ARHGAP18: variants seen among roughly 807,000 people sequenced by gnomAD.
The protein encoded by ARHGAP18 is rho GTPase-activating protein 18.
A neutral mutation model predicts 86.2 loss-of-function variants in ARHGAP18; 67 were observed. The ratio of observed to expected loss-of-function variants is 0.78; its 90% CI spans 0.64 to 0.95. The LOEUF (loss-of-function observed/expected upper bound fraction) is 0.95. ARHGAP18 is among the 40% of genes least tolerant of loss of function. The pLI, the probability that ARHGAP18 is intolerant of heterozygous loss-of-function variation, is 0.00. For missense variants in ARHGAP18, 691 were observed against 780.4 expected, an observed-to-expected ratio of 0.89 and a Z score of 1.37; for synonymous variants, 283 against 280.4, an observed-to-expected ratio of 1.01 and a Z score of -0.09.
intron 1 of ARHGAP18, among the ~76,000 whole-genome samples, chr6:129,662,585 C>A (rs910654412): frequency 6.6e-6 from 1 of 152,234 alleles, no homozygotes; most frequent in Non-Finnish European, 1.5e-5. Flanking sequence ...TCGAGTGATA[C>A]TGAATGCCCA....
At chr6:129,661,736 C>T (rs1281107349) in intron 1 of ARHGAP18, 1 of 313,292 alleles carries the variant, frequency 3.2e-6, no homozygotes, top group Non-Finnish European at 4.6e-6. Context: ...AGGTGAGATT[C>T]ATGTGATGTC....
chr6:129,681,372 A>G (rs1290246844), intron 1 of ARHGAP18, among the ~76,000 whole-genome samples: 1 of 152,170 alleles, frequency 6.6e-6, no homozygotes, highest in Non-Finnish European at 1.5e-5. Flanking sequence ...CACCGCGCCC[A>G]GCTAGAAGTA....
chr6:129,583,840 T>C (rs535376040), intron 13 of ARHGAP18, 148 bp downstream of exon 13: 2 of 984,434 alleles, frequency 2.0e-6, no homozygotes, highest in African/African-American at 1.7e-5. Flanking sequence ...TGTTCTCTTC[T>C]GCTGGGAAGA....
intron 9 of ARHGAP18, among the ~76,000 whole-genome samples, chr6:129,607,555 G>A (rs1269406403): frequency 6.6e-6 from 1 of 152,012 alleles, no homozygotes; most frequent in African/African-American, 2.4e-5. Flanking sequence ...TTTAACACTT[G>A]GCAAGAAAAT....
At chr6:129,625,887 T>TTATATA (rs1447197413) in intron 5 of ARHGAP18, among the ~76,000 whole-genome samples, 1 of 79,256 alleles carries the variant, frequency 1.3e-5, no homozygotes, top group African/African-American at 6.1e-5. Context: ...TATTTATATA[T>TTATATA]TATATATTAT....
At chr6:129,666,419 C>G (rs1211872521) in intron 1 of ARHGAP18, among the ~76,000 whole-genome samples, 1 of 152,228 alleles carries the variant, frequency 6.6e-6, no homozygotes, top group Non-Finnish European at 1.5e-5. Context: ...GGATACCAAG[C>G]CCTGTGGATG....
chr6:129,633,342 G>A (rs1169335870), intron 4 of ARHGAP18, among the ~76,000 whole-genome samples: 1 of 150,990 alleles, frequency 6.6e-6, no homozygotes, highest in Non-Finnish European at 1.5e-5. Flanking sequence ...GGCTGAGGCA[G>A]GAGGATCACT....
At chr6:129,675,338 C>T (rs192495715) in intron 1 of ARHGAP18, among the ~76,000 whole-genome samples, 3 of 149,748 alleles carry the variant, frequency 2.0e-5, no homozygotes, top group Non-Finnish European at 3.0e-5. Context: ...GAACCGAGAC[C>T]GCGCCACTGC....
chr6:129,624,348 G>A lies in ARHGAP18; in HGVS notation c.786+5005C>T, dbSNP rs1209936992. ...GTTCGAGACCAGCCTGGCCAACGTG[G>A]TGAAGCCCCGTCTCTACTAAAAATA... is the stretch of plus-strand genomic sequence containing the variant. On this transcript the variant is annotated intron_variant, in intron 5 of 14. Coordinates refer to ENST00000368149, the MANE Select transcript of ARHGAP18 (RefSeq NM_033515.3). Among the ~76,000 whole-genome samples the A allele has an allele frequency of 2.6e-5, 4 of 151,498 alleles. No homozygotes were observed. In the East Asian group the frequency reaches 5.9e-4, roughly 22 times the overall value.
Position 129,641,893 on chromosome 6 carries a change from A to G in ARHGAP18, c.239T>C (p.Ile80Thr). The part of the protein sequence containing the change: ...LDELSMEDYW[I>T]ELENIKKSSE... ...AGATTTCTTGATGTTTTCTAGTTCT[A>G]TCCAATAGTCTTCCATAGATAGTTC... The change falls in exon 2 of 15, where the codon ATA becomes ACA. Residue 80 changes from isoleucine (I) to threonine (T), a missense_variant. Coordinates refer to ENST00000368149, the MANE Select transcript of ARHGAP18 (RefSeq NM_033515.3). 1.9e-6 allele frequency: 3 copies of G among 1,613,954 alleles called. No individual in the cohort carries two copies. The highest frequency in any genetic ancestry group is 2.5e-6 in the Non-Finnish European group (3 of 1,179,894).
At chr6:129,650,070 A>C (rs1584088781) in intron 1 of ARHGAP18, among the ~76,000 whole-genome samples, 1 of 141,512 alleles carries the variant, frequency 7.1e-6, no homozygotes, top group Non-Finnish European at 1.5e-5. Flanking sequence ...GTGCCACCAC[A>C]CCTGGCTAAT....
chr6:129,587,198 T>G (rs1449942475), intron 12 of ARHGAP18, among the ~76,000 whole-genome samples: 1 of 152,198 alleles, frequency 6.6e-6, no homozygotes, highest in Non-Finnish European at 1.5e-5. Context: ...AAAACTCATC[T>G]TAGGAACAAT....
intron 1 of ARHGAP18, among the ~76,000 whole-genome samples, chr6:129,643,225 G>T (rs929093057): frequency 6.6e-6 from 1 of 152,048 alleles, no homozygotes; most frequent in South Asian, 2.1e-4. Context: ...GATATGGTTT[G>T]GCTATGTCCC....
intron 12 of ARHGAP18, among the ~76,000 whole-genome samples, chr6:129,584,365 A>G (rs955489162): frequency 6.6e-6 from 1 of 152,222 alleles, no homozygotes; most frequent in Non-Finnish European, 1.5e-5. Context: ...GACAGCAATA[A>G]CCATTACTGC....
intron 10 of ARHGAP18, among the ~76,000 whole-genome samples, chr6:129,605,647 G>A (rs1287837397): frequency 6.6e-6 from 1 of 151,940 alleles, no homozygotes; most frequent in Non-Finnish European, 1.5e-5. Context: ...TGGTTTGGAA[G>A]AAGAAATGTT....
At chr6:129,602,201 A>G (rs1468416972) in intron 10 of ARHGAP18, among the ~76,000 whole-genome samples, 1 of 152,180 alleles carries the variant, frequency 6.6e-6, no homozygotes, top group African/African-American at 2.4e-5. Flanking sequence ...CAGTTTATGA[A>G]GCACGATAGA....
chr6:129,675,965 G>A (rs1259727753), intron 1 of ARHGAP18, among the ~76,000 whole-genome samples: 5 of 152,108 alleles, frequency 3.3e-5, no homozygotes, highest in Non-Finnish European at 5.9e-5. Context: ...GGGGCCACTG[G>A]GTCATTTTAA....
chr6:129,631,321 C>T (rs941211637), intron 4 of ARHGAP18, among the ~76,000 whole-genome samples: 1 of 151,540 alleles, frequency 6.6e-6, no homozygotes, highest in Admixed American at 6.6e-5. Flanking sequence ...CGGACTATGC[C>T]GAATGTAAAG....
At chr6:129,661,021 T>TAA (rs34750408) in intron 1 of ARHGAP18, among the ~76,000 whole-genome samples, 77 of 121,598 alleles carry the variant, frequency 6.3e-4, no homozygotes, top group African/African-American at 1.9e-3. Context: ...ACAAAACCTT[T>TAA]AAAAAAAAAA....
Sources: allele counts gnomAD v4.1 joint callset (sites outside exome capture counted in the v4.1 genomes callset), GRCh38; gene constraint gnomAD v4.1.1; transcripts MANE v1.5; gene names NCBI Gene and HGNC (gene_info 2026-07-23, HGNC 2026-07-21).